Variants in ST8SIA5 observed in about 807,000 individuals in gnomAD.
ST8SIA5 encodes ST8 alpha-N-acetyl-neuraminide alpha-2,8-sialyltransferase 5.
A neutral mutation model predicts 40.2 loss-of-function variants in ST8SIA5; 24 were observed. The ratio of observed to expected loss-of-function variants is 0.60; its 90% CI spans 0.43 to 0.84. ST8SIA5 has a LOEUF of 0.84. Ranked by LOEUF, ST8SIA5 falls within the 40% of genes least tolerant of loss-of-function variation. ST8SIA5 has a pLI of 0.00. For synonymous variants in ST8SIA5, 198 were observed against 201.8 expected (o/e 0.98, Z 0.16); for missense variants, 465 against 498.5 (o/e 0.93, Z 0.64).
At chr18:46,698,782 C>T (rs2039582158) in intron 2 of ST8SIA5, among the ~76,000 whole-genome samples, 1 of 152,104 alleles carries the variant, frequency 6.6e-6, no homozygotes, top group Non-Finnish European at 1.5e-5. Flanking sequence ...GCCACATGAC[C>T]CAGCAAGAGG....
intron 1 of ST8SIA5, among the ~76,000 whole-genome samples, chr18:46,737,942 TG>T (rs2040051051): frequency 6.6e-6 from 1 of 152,068 alleles, no homozygotes; most frequent in Non-Finnish European, 1.5e-5. Flanking sequence ...GAATAATTTT[TG>T]TATTTTTAGT....
intron 1 of ST8SIA5, among the ~76,000 whole-genome samples, chr18:46,710,421 C>CTT (rs1568263208): frequency 2.5e-4 from 28 of 109,874 alleles, no homozygotes; most frequent in South Asian, 2.1e-3. Flanking sequence ...CTTTCTTTTT[C>CTT]TTTCTCTCTC....
At chr18:46,718,343 A>AG (rs1300245133) in intron 1 of ST8SIA5, among the ~76,000 whole-genome samples, 586 of 151,766 alleles carry the variant, frequency 3.9e-3, no homozygotes, top group African/African-American at 0.013. Flanking sequence ...AAAAAAAAAA[A>AG]AAGAAAAAAA....
intron 1 of ST8SIA5, among the ~76,000 whole-genome samples, chr18:46,752,569 A>C (rs1453541800): frequency 6.6e-6 from 1 of 152,118 alleles, no homozygotes; most frequent in Non-Finnish European, 1.5e-5. Flanking sequence ...CCTCCTGACC[A>C]AGGGAGGTGC....
chr18:46,743,311 CT>C (rs1322501305), intron 1 of ST8SIA5, among the ~76,000 whole-genome samples: 1 of 152,010 alleles, frequency 6.6e-6, no homozygotes, highest in Non-Finnish European at 1.5e-5. Flanking sequence ...AGTTAAAAAC[CT>C]TGAAAAAAGG....
At chr18:46,689,016 G>T in intron 3 of ST8SIA5, 97 bp from the exon 4 acceptor site, 1 of 1,430,864 alleles carries the variant, frequency 7.0e-7, no homozygotes, top group Non-Finnish European at 9.3e-7. Context: ...GTGGAGCCGA[G>T]GCCTCTCCTG....
At chr18:46,745,037 A>G (rs2040125631) in intron 1 of ST8SIA5, among the ~76,000 whole-genome samples, 1 of 152,258 alleles carries the variant, frequency 6.6e-6, no homozygotes. Context: ...GACACAACAT[A>G]CCAGAATCTC....
At chr18:46,725,181 C>T (rs1290771623) in intron 1 of ST8SIA5, among the ~76,000 whole-genome samples, 1 of 152,102 alleles carries the variant, frequency 6.6e-6, no homozygotes, top group Middle Eastern at 3.2e-3. Flanking sequence ...AAACCGAGGG[C>T]TAACTCTAAA....
At chr18:46,701,130 C>CT (rs755571106) in intron 2 of ST8SIA5, among the ~76,000 whole-genome samples, 10,139 of 45,774 alleles carry the variant, frequency 0.22, 2,694 homozygotes, top group Non-Finnish European at 0.27. Flanking sequence ...GAGATAGGGC[C>CT]TTTTTTTTTT....
Position 46,676,365 on chromosome 18 carries a change from C to G in ST8SIA5, c.*3677G>C, listed in dbSNP as rs963093147. ...GGCAGGGACGACGTTTTGTTCATCA[C>G]TAGCTCCCCGGCACCTGGCACCATG... On this transcript the variant is annotated 3_prime_UTR_variant, in exon 7 of 7. Transcript: ENST00000315087. 1.3e-5 allele frequency: 2 copies of G among 152,266 alleles called. No individual in the cohort carries two copies. Among genetic ancestry groups the G allele is most frequent in the African/African-American group, 4.8e-5 (2 of 41,452 alleles). 9.4% of individuals were successfully genotyped at this position (152,266 alleles called of 1,614,324 possible).
chr18:46,730,609 G>A (rs1482884570), intron 1 of ST8SIA5, among the ~76,000 whole-genome samples: 2 of 152,156 alleles, frequency 1.3e-5, no homozygotes, highest in South Asian at 2.1e-4. Context: ...AAGGCAGGGG[G>A]ATAGCTTGAG....
intron 1 of ST8SIA5, among the ~76,000 whole-genome samples, chr18:46,719,105 C>T (rs1362254023): frequency 6.6e-6 from 1 of 152,142 alleles, no homozygotes; most frequent in Non-Finnish European, 1.5e-5. Flanking sequence ...GGAATTGTCC[C>T]AGGAAAATGT....
chr18:46,726,778 G>A (rs974910096), intron 1 of ST8SIA5, among the ~76,000 whole-genome samples: 3 of 152,122 alleles, frequency 2.0e-5, no homozygotes, highest in Non-Finnish European at 4.4e-5. Flanking sequence ...AATTAGCCCA[G>A]TGTGGTGGCG....
intron 1 of ST8SIA5, among the ~76,000 whole-genome samples, chr18:46,713,655 T>C (rs1181983114): frequency 6.6e-6 from 1 of 151,842 alleles, no homozygotes. Flanking sequence ...CCCAGGGACA[T>C]GGAAGCTAAG....
chr18:46,756,720 C>G lies in ST8SIA5; in HGVS notation c.-212G>C, dbSNP rs1256157932. On this transcript the variant is annotated 5_prime_UTR_variant, in exon 1 of 7. Coordinates refer to ENST00000315087, the MANE Select transcript of ST8SIA5 (RefSeq NM_013305.6). ...GCTGGGGCGGCAAGCAGGACAGGGCCGGTGGCAGGGAGCTCTGCCGCGGCC... is the reference window on the plus strand; with the variant it reads ...GCTGGGGCGGCAAGCAGGACAGGGCGGGTGGCAGGGAGCTCTGCCGCGGCC... 1.7e-5 allele frequency: 9 copies of G among 532,804 alleles called. No homozygotes were observed. The highest frequency in any genetic ancestry group is 8.0e-5 in the Admixed American group (2 of 24,974). The allele number at this position is 532,804 out of a possible 1,614,324, so 33.0% of individuals were successfully genotyped here. A position where few individuals can be genotyped will look rare whatever the true frequency, so the allele number is the denominator to read the frequency against.
At chr18:46,747,872 C>T (rs1297593493) in intron 1 of ST8SIA5, among the ~76,000 whole-genome samples, 2 of 152,156 alleles carry the variant, frequency 1.3e-5, no homozygotes, top group African/African-American at 4.8e-5. Flanking sequence ...ACATATATAC[C>T]ATGGAATACT....
intron 4 of ST8SIA5, among the ~76,000 whole-genome samples, chr18:46,687,239 G>A (rs1599101563): frequency 6.6e-6 from 1 of 152,292 alleles, no homozygotes; most frequent in East Asian, 1.9e-4. Flanking sequence ...TCCAATTTTG[G>A]CATCTAATAA....
At chr18:46,721,541 T>TGTGGCTC in intron 1 of ST8SIA5, 1 of 1,295,612 alleles carries the variant, frequency 7.7e-7, no homozygotes, top group Non-Finnish European at 1.1e-6. Context: ...GAGAGCCACA[T>TGTGGCTC]TCTGTTGCTG....
At chr18:46,719,686 C>CTT (rs1555696449) in intron 1 of ST8SIA5, among the ~76,000 whole-genome samples, 1 of 142,146 alleles carries the variant, frequency 7.0e-6, no homozygotes, top group African/African-American at 2.6e-5. Context: ...TTTCTTTTTT[C>CTT]TTTCTTTCTT....
Sources: allele counts gnomAD v4.1 joint callset (sites outside exome capture counted in the v4.1 genomes callset), GRCh38; gene constraint gnomAD v4.1.1; transcripts MANE v1.5; gene names NCBI Gene and HGNC (gene_info 2026-07-23, HGNC 2026-07-21).